NFYC: variants seen among roughly 807,000 people sequenced by gnomAD.
NFYC encodes nuclear transcription factor Y subunit gamma.
Under a neutral mutation model 53.1 loss-of-function variants are expected in NFYC, and 25 were observed. That is an observed-to-expected ratio of 0.47 (90% confidence interval 0.34 to 0.66). The LOEUF (loss-of-function observed/expected upper bound fraction) is 0.66. Ranked by LOEUF, NFYC falls within the 30% of genes least tolerant of loss-of-function variation. The pLI is 0.01. For missense variants in NFYC, 260 were observed against 422.7 expected (o/e 0.62, Z 3.38); for synonymous variants, 145 against 152.6 (o/e 0.95, Z 0.37).
intron 1 of NFYC, chr1:40,709,391 A>AG (rs1402529090): frequency 7.2e-5 from 11 of 152,222 alleles, no homozygotes; most frequent in Admixed American, 7.2e-4. Context: ...TTTTTCACTG[A>AG]GGCAGGGGTC....
chr1:40,759,632 G>A (rs1004252585), intron 6 of NFYC, among the ~76,000 whole-genome samples: 3 of 151,988 alleles, frequency 2.0e-5, no homozygotes, highest in African/African-American at 4.8e-5. Flanking sequence ...GTGTATGTAT[G>A]TAGGGGAGGG....
intron 1 of NFYC, among the ~76,000 whole-genome samples, chr1:40,728,094 A>G (rs1644602849): frequency 6.6e-6 from 1 of 151,722 alleles, no homozygotes; most frequent in Non-Finnish European, 1.5e-5. Context: ...TTGTGTTTTT[A>G]GTAGAGATGG....
intron 1 of NFYC, among the ~76,000 whole-genome samples, chr1:40,736,820 CA>C (rs71060396): frequency 0.058 from 3,666 of 63,650 alleles, 73 homozygotes; most frequent in African/African-American, 0.15. Context: ...AAACTTATTC[CA>C]AAAAAAAAAA....
intron 7 of NFYC, among the ~76,000 whole-genome samples, chr1:40,765,324 T>G (rs974576923): frequency 6.6e-6 from 1 of 152,206 alleles, no homozygotes; most frequent in African/African-American, 2.4e-5. Flanking sequence ...TGTCCCTCCA[T>G]CTTGCCTCAA....
intron 4 of NFYC, among the ~76,000 whole-genome samples, chr1:40,750,062 G>A (rs1339980017): frequency 6.6e-6 from 1 of 152,144 alleles, no homozygotes; most frequent in Non-Finnish European, 1.5e-5. Context: ...AGCCTTGAGA[G>A]ATTCCAGGAA....
chr1:40,725,258 A>C (rs1372270520), intron 1 of NFYC, among the ~76,000 whole-genome samples: 1 of 152,086 alleles, frequency 6.6e-6, no homozygotes, highest in Admixed American at 6.5e-5. Context: ...GTATTCATTC[A>C]TTTATTGCAT....
Position 40,770,959 on chromosome 1 carries a change from A to G in NFYC, c.*131A>G. ...CTCCTGCAGGCTAGGACACTGGTGC[A>G]CTACACCCCATGCCTGGGGGCCGAG... On this transcript the variant is annotated 3_prime_UTR_variant, in exon 10 of 10. Coordinates refer to ENST00000447388, the MANE Select transcript of NFYC (RefSeq NM_014223.5). The surrounding 1 kb of genome is among the most constrained non-coding windows in gnomAD (Gnocchi z 5.3). 2 of 865,390 alleles carry G rather than the reference A, an allele frequency of 2.3e-6. No homozygotes were observed. The highest frequency in any genetic ancestry group is 3.2e-4 in the Middle Eastern group (1 of 3,080). The allele number at this position is 865,390 out of a possible 1,614,324, so 53.6% of individuals were successfully genotyped here.
In NFYC at chr1:40,715,450, C is replaced by T. The variant is rs1364113415; in HGVS notation, c.-8-23386C>T. Reference sequence around the variant, plus strand: ...GTAGAAATGGAGTCTCATTATTTTCCCTGGCTGGTCTCGAACTCCTGGCCT... The same window carrying T: ...GTAGAAATGGAGTCTCATTATTTTCTCTGGCTGGTCTCGAACTCCTGGCCT... On this transcript the variant is annotated intron_variant, in intron 1 of 9. Coordinates refer to ENST00000447388, the MANE Select transcript of NFYC (RefSeq NM_014223.5). 2.6e-5 allele frequency among the ~76,000 whole-genome samples: 4 copies of T among 151,696 alleles called. No homozygotes were observed. The East Asian group carries it at 7.7e-4, about 29-fold the overall frequency.
At chr1:40,707,794 G>A (rs962532100) in intron 1 of NFYC, among the ~76,000 whole-genome samples, 7 of 150,390 alleles carry the variant, frequency 4.7e-5, no homozygotes, top group Admixed American at 4.6e-4. Context: ...AGCCGAGATC[G>A]TGCCTCTACA....
intron 2 of NFYC, among the ~76,000 whole-genome samples, chr1:40,740,775 T>C (rs952086785): frequency 2.0e-5 from 3 of 152,168 alleles, no homozygotes; most frequent in African/African-American, 7.2e-5. Context: ...AAATGAATGC[T>C]GTCCTGGGGT....
At chr1:40,747,693 T>A in intron 3 of NFYC, 88 bp downstream of exon 3, 1 of 872,048 alleles carries the variant, frequency 1.1e-6, no homozygotes, top group Non-Finnish European at 1.8e-6. Flanking sequence ...AAAGTTTAAT[T>A]AAACAAGAAC....
chr1:40,736,329 A>G (rs1231173010), intron 1 of NFYC, among the ~76,000 whole-genome samples: 1 of 152,220 alleles, frequency 6.6e-6, no homozygotes. Context: ...GTAAACATTT[A>G]AGAGTGAATT....
At chr1:40,717,635 A>G (rs889062328) in intron 1 of NFYC, among the ~76,000 whole-genome samples, 1 of 152,224 alleles carries the variant, frequency 6.6e-6, no homozygotes, top group Admixed American at 6.5e-5. Flanking sequence ...CTTCCTTAGA[A>G]TCTGGTGACC....
At position 40,770,589 on chromosome 1, in the gene NFYC, G is replaced by A; in HGVS notation, c.889-120G>A. 1 of 1,612,286 alleles carries A rather than the reference G, an allele frequency of 6.2e-7. No homozygotes were observed. The highest frequency in any genetic ancestry group is 8.5e-7 in the Non-Finnish European group (1 of 1,179,244). On this transcript the variant is annotated intron_variant, in intron 9 of 9. Coordinates refer to ENST00000447388, the MANE Select transcript of NFYC (RefSeq NM_014223.5). The surrounding 1 kb of genome is among the most constrained non-coding windows in gnomAD (Gnocchi z 5.3). ...GAGCTCCACTTCCCCTCCTCCTTCTGACGCCTTGCAGTGGGTGGTGGTTGA... is the reference window on the plus strand; with the variant it reads ...GAGCTCCACTTCCCCTCCTCCTTCTAACGCCTTGCAGTGGGTGGTGGTTGA...
intron 1 of NFYC, among the ~76,000 whole-genome samples, chr1:40,722,875 A>G (rs1194335774): frequency 2.0e-5 from 3 of 152,230 alleles, no homozygotes; most frequent in Non-Finnish European, 4.4e-5. Flanking sequence ...GCCTAGAGAC[A>G]TGCAAAGGGG....
intron 2 of NFYC, among the ~76,000 whole-genome samples, chr1:40,742,245 C>G (rs1002691587): frequency 2.0e-5 from 3 of 151,680 alleles, no homozygotes; most frequent in Non-Finnish European, 2.9e-5. Context: ...GAATCATACC[C>G]TGTTGTATGT....
At chr1:40,748,272 C>T (rs536059525) in intron 3 of NFYC, among the ~76,000 whole-genome samples, 28 of 152,168 alleles carry the variant, frequency 1.8e-4, no homozygotes, top group Non-Finnish European at 3.2e-4. Context: ...GCTGGGACTA[C>T]AGGCACGTGC....
intron 1 of NFYC, among the ~76,000 whole-genome samples, chr1:40,706,304 G>T (rs894608211): frequency 6.6e-6 from 1 of 151,880 alleles, no homozygotes; most frequent in Non-Finnish European, 1.5e-5. Flanking sequence ...AGAATTAGAG[G>T]GGTAAAGTCT....
intron 8 of NFYC, among the ~76,000 whole-genome samples, chr1:40,768,084 T>C (rs1646909916): frequency 6.6e-6 from 1 of 152,236 alleles, no homozygotes; most frequent in Non-Finnish European, 1.5e-5. Context: ...TGAAAATCTT[T>C]GTAACAACAG....
Sources: gnomAD v4.1 joint callset for allele counts (sites outside exome capture counted in the v4.1 genomes callset) on GRCh38, gnomAD v4.1.1 for gene constraint, Gnocchi (gnomAD v3.1) non-coding constraint, MANE v1.5 for transcripts, NCBI Gene and HGNC (gene_info 2026-07-23, HGNC 2026-07-21) for gene names.